Variants in NKX2-1 observed in about 807,000 individuals in gnomAD.
NKX2-1 encodes homeobox protein Nkx-2.1.
NKX2-1 carries 9 observed loss-of-function variants against 35.1 expected under a neutral mutation model. The observed-to-expected ratio is 0.26, with a 90% CI of 0.15 to 0.45. The LOEUF (loss-of-function observed/expected upper bound fraction) is 0.45, where lower values mean the gene tolerates loss of function less well. Among genes scored for constraint, NKX2-1 ranks in the 20% least tolerant of loss-of-function variants. NKX2-1 has a pLI of 1.00. For missense variants in NKX2-1, 509 were observed against 589.1 expected (o/e 0.86, Z 1.41); for synonymous variants, 284 against 269.9 (o/e 1.05, Z -0.51).
Position 36,517,158 on chromosome 14 carries a change from C to T in NKX2-1, c.*120G>A. 1.4e-6 allele frequency: 2 copies of T among 1,477,520 alleles called. No individual in the cohort carries two copies. Among genetic ancestry groups the T allele is most frequent in the South Asian group, 1.3e-5 (1 of 76,108 alleles). 91.5% of individuals were successfully genotyped at this position (1,477,520 alleles called of 1,614,324 possible). Reference sequence around the variant, plus strand: ...TGGTTTTTTTGTTCCTTGGTCTAAACGCGGCCAGGTTGTTAAGAAAAGTCG... The same window carrying T: ...TGGTTTTTTTGTTCCTTGGTCTAAATGCGGCCAGGTTGTTAAGAAAAGTCG... On this transcript the variant is annotated 3_prime_UTR_variant, in exon 3 of 3. Transcript: ENST00000354822.
chr14:36,520,018 G>A (rs755630277), intron 1 of NKX2-1, 35 bp downstream of exon 1: 14 of 1,612,328 alleles, frequency 8.7e-6, no homozygotes, highest in Non-Finnish European at 1.1e-5. Context: ...AGGTCTTTAG[G>A]AGGAGGGGGC....
chr14:36,518,075 C>T (rs940367163), intron 2 of NKX2-1, 55 bp from the exon 3 acceptor site: 6 of 1,583,492 alleles, frequency 3.8e-6, no homozygotes, highest in Middle Eastern at 3.7e-4. Context: ...CAGGCCACCC[C>T]TGTTTTCCGC....
chr14:36,520,191 C>A lies in NKX2-1; in HGVS notation c.-62G>T. The A allele has an allele frequency of 6.3e-7, 1 of 1,594,870 alleles. No homozygotes were observed. The highest frequency in any genetic ancestry group is 8.5e-7 in the Non-Finnish European group (1 of 1,172,740). ...TGAGCGAGCGAGTCTGGGGACGAAC[C>A]CTGGGGCCGCACTGTTGGTCTACGT... is the stretch of plus-strand genomic sequence containing the variant. On this transcript the variant is annotated 5_prime_UTR_variant, in exon 1 of 3. Transcript: ENST00000354822.
In NKX2-1 at chr14:36,516,501, G is replaced by C. The variant is rs1881022361; in HGVS notation, c.*777C>G. On this transcript the variant is annotated 3_prime_UTR_variant, in exon 3 of 3. Coordinates refer to ENST00000354822, the MANE Select transcript of NKX2-1 (RefSeq NM_001079668.3). The stretch of plus-strand genomic sequence containing the variant: ...ACATAAGTTACAACAGAAAAAGACT[G>C]ACGCCGCAAATACCAAACTGCCAAA... 1 of 232,588 alleles carries C rather than the reference G, an allele frequency of 4.3e-6. No individual in the cohort carries two copies. Among genetic ancestry groups the C allele is most frequent in the Non-Finnish European group, 8.5e-6 (1 of 117,640 alleles). The allele number at this position is 232,588 out of a possible 1,614,324, so 14.4% of individuals were successfully genotyped here. A position where few individuals can be genotyped will look rare whatever the true frequency, so the allele number is the denominator to read the frequency against.
intron 1 of NKX2-1, 31 bp from the exon 2 acceptor site, chr14:36,519,401 A>AG (rs1881235581): frequency 6.2e-7 from 1 of 1,611,980 alleles, no homozygotes; most frequent in Non-Finnish European, 8.5e-7. Context: ...AGGAAAAAAA[A>AG]GGGAGAGGGG....
rs1439191961 is a variant in NKX2-1, at chr14:36,519,175, G to C, written c.273C>G (p.His91Gln). The C allele has an allele frequency of 1.2e-6, 2 of 1,604,180 alleles. No individual in the cohort carries two copies. Among genetic ancestry groups the C allele is most frequent in the East Asian group, 2.2e-5 (1 of 44,550 alleles). The change falls in exon 2 of 3, where the codon CAC (histidine) becomes CAG (glutamine). Residue 91 changes from histidine to glutamine, a missense_variant. Around this residue, in one of 5 missense-constraint regions of NKX2-1, gnomAD observed 271 missense variants for 284.1 expected, o/e 0.95. Coordinates refer to ENST00000354822, the MANE Select transcript of NKX2-1 (RefSeq NM_001079668.3). ...TGTGGTAGGCGGCGGTGACGGCGCC[G>C]TGGTGCCCCACGGCGTGCTGCTGCA... Reference protein sequence around the residue: ...AAMQQHAVGHHGAVTAAYHMT... With the variant: ...AAMQQHAVGHQGAVTAAYHMT...
rs750156580 is a variant in NKX2-1 at position 36,520,170 on chromosome 14, C to G, written c.-41G>C. On this transcript the variant is annotated 5_prime_UTR_variant, in exon 1 of 3. Transcript: ENST00000354822. ...TGAGCCCCAGTCGCCAACAAATGAG[C>G]GAGCGAGTCTGGGGACGAACCCTGG... 6.2e-7 allele frequency: 1 copy of G among 1,609,102 alleles called. No homozygotes were observed. The highest frequency in any genetic ancestry group is 8.5e-7 in the Non-Finnish European group (1 of 1,178,630).
intron 2 of NKX2-1, 89 bp from the exon 3 acceptor site, chr14:36,518,109 C>A: frequency 6.5e-7 from 1 of 1,531,700 alleles, no homozygotes; most frequent in Non-Finnish European, 8.8e-7. Flanking sequence ...CCGGCCCGCC[C>A]CAACCGACGG....
Position 36,517,060 on chromosome 14 carries a change from CT to C in NKX2-1, c.*217del. The C allele has an allele frequency of 2.6e-6, 2 of 780,810 alleles. No homozygotes were observed. The highest frequency in any genetic ancestry group is 1.7e-5 in the African/African-American group (1 of 57,640). The allele number at this position is 780,810 out of a possible 1,614,324, so 48.4% of individuals were successfully genotyped here. On this transcript the variant is annotated 3_prime_UTR_variant, in exon 3 of 3. Transcript: ENST00000354822. ...GATGCGCTTGGTTGTTTTTCATTTT[CT>C]TTTTTTAAAAAAAAAAACCCACAAA...
chr14:36,518,804 T>A (rs1881188987), intron 2 of NKX2-1, among the ~76,000 whole-genome samples, 181 bp downstream of exon 2: 1 of 152,252 alleles, frequency 6.6e-6, no homozygotes, highest in East Asian at 1.9e-4. Flanking sequence ...TGCCTGTTCT[T>A]GGACCCCCAG....
In NKX2-1 at chr14:36,519,329, G is replaced by A; in HGVS notation, c.119C>T (p.Pro40Leu). ...IMSMSPKHTT[P>L]FSVSDILSPL... ...ACTCAAGATGTCAGACACTGAGAAC[G>A]GAGTCGTGTGCTTTGGACTCATCGA... The change falls in exon 2 of 3, where the codon CCG (proline) becomes CTG (leucine). Residue 40 changes from proline (P) to leucine (L), a missense_variant. By Grantham distance (98) the Pro-to-Leu change is moderately conservative. Coordinates refer to ENST00000354822, the MANE Select transcript of NKX2-1 (RefSeq NM_001079668.3). 2 of 1,613,094 alleles carry A rather than the reference G, an allele frequency of 1.2e-6. No homozygotes were observed. Among genetic ancestry groups the A allele is most frequent in the Non-Finnish European group, 1.7e-6 (2 of 1,180,036 alleles).
chr14:36,519,244 C>T lies in NKX2-1; in HGVS notation c.204G>A (p.Leu68=). 2 of 1,609,816 alleles carry T rather than the reference C, an allele frequency of 1.2e-6. No individual in the cohort carries two copies. Among genetic ancestry groups the T allele is most frequent in the Non-Finnish European group, 8.5e-7 (1 of 1,178,564 alleles). ...CCGCCTGGCCCTGCCTGTACGCCGCCAGCGGAGCCCCGAGGCCGCCGCCCT... is the reference window on the plus strand; with the variant it reads ...CCGCCTGGCCCTGCCTGTACGCCGCTAGCGGAGCCCCGAGGCCGCCGCCCT... The part of the protein sequence containing the change: ...GMEGGGLGAP[L]AAYRQGQAAP... The change falls in exon 2 of 3, where the codon CTG becomes CTA. Residue 68 remains leucine, a synonymous_variant. Coordinates refer to ENST00000354822, the MANE Select transcript of NKX2-1 (RefSeq NM_001079668.3).
Position 36,517,067 on chromosome 14 carries a change from T to TAA in NKX2-1, c.*209_*210dup, listed in dbSNP as rs886050480. On this transcript the variant is annotated 3_prime_UTR_variant, in exon 3 of 3. Coordinates refer to ENST00000354822, the MANE Select transcript of NKX2-1 (RefSeq NM_001079668.3). The stretch of plus-strand genomic sequence containing the variant: ...TTGGTTGTTTTTCATTTTCTTTTTT[T>TAA]AAAAAAAAAAACCCACAAATTTTAG... The TAA allele has an allele frequency of 1.0e-4, 91 of 874,396 alleles. No individual in the cohort carries two copies. Among genetic ancestry groups the TAA allele is most frequent in the East Asian group, 1.2e-4 (4 of 32,016 alleles). The allele number at this position is 874,396 out of a possible 1,614,324, so 54.2% of individuals were successfully genotyped here.
Position 36,517,366 on chromosome 14 carries a change from T to C in NKX2-1, c.1118A>G (p.Gln373Arg). Residue 373 changes from glutamine (Q) to arginine (R), a missense_variant, in exon 3 of 3, where the codon CAG (glutamine) becomes CGG (arginine). By Grantham distance (43) the Gln-to-Arg change is conservative (BLOSUM62 1). Around this residue, in one of 5 missense-constraint regions of NKX2-1, gnomAD observed 212 missense variants for 227.7 expected, o/e 0.93. Transcript: ENST00000354822. ...HAASPAALQG[Q>R]VSSLSHLNSS... Reference sequence around the variant, plus strand: ...GTTCAGGTGGGACAGGCTGGATACCTGGCCCTGCAGCGCCGCGGGGCTGGC... The same window carrying C: ...GTTCAGGTGGGACAGGCTGGATACCCGGCCCTGCAGCGCCGCGGGGCTGGC... 1 of 1,608,666 alleles carries C rather than the reference T, an allele frequency of 6.2e-7. No individual in the cohort carries two copies. Among genetic ancestry groups the C allele is most frequent in the East Asian group, 2.2e-5 (1 of 44,592 alleles).
At position 36,517,695 on chromosome 14, in the gene NKX2-1, G is replaced by A. The variant is rs761074663; in HGVS notation, c.789C>T (p.Ser263=). The change falls in exon 3 of 3, where the codon AGC becomes AGT. Residue 263 remains serine (S), a synonymous_variant. Transcript: ENST00000354822. ...TGCCCCCGCCGCCCCCGCCGCCGCC[G>A]CTGTCCTGCTGCAGTTGCTGCTGCG... The part of the protein sequence containing the change: ...KAAQQQLQQD[S]GGGGGGGGTG... 2 of 1,581,884 alleles carry A rather than the reference G, an allele frequency of 1.3e-6. No individual in the cohort carries two copies. Among genetic ancestry groups the A allele is most frequent in the Non-Finnish European group, 1.7e-6 (2 of 1,165,120 alleles).
intron 1 of NKX2-1, chr14:36,519,798 T>C: frequency 7.1e-7 from 1 of 1,412,648 alleles, no homozygotes; most frequent in South Asian, 1.5e-5. Context: ...CCCCATTTTT[T>C]GTGGGGTACC....
At position 36,517,091 on chromosome 14, in the gene NKX2-1, A is replaced by AGGGTG. The variant is rs141117763; in HGVS notation, c.*186_*187insCACCC. 1.8e-3 allele frequency: 1,832 copies of AGGGTG among 1,025,388 alleles called. 7 individuals carry two copies. Among genetic ancestry groups the AGGGTG allele is most frequent in the Admixed American group, 3.6e-3 (100 of 27,580 alleles). 63.5% of individuals were successfully genotyped at this position (1,025,388 alleles called of 1,614,324 possible). On this transcript the variant is annotated 3_prime_UTR_variant, in exon 3 of 3. Coordinates refer to ENST00000354822, the MANE Select transcript of NKX2-1 (RefSeq NM_001079668.3). ...TTAAAAAAAAAAACCCACAAATTTT[A>AGGGTG]GGGGGGGAAAAAAAGAAAGACGTCC...
intron 2 of NKX2-1, among the ~76,000 whole-genome samples, chr14:36,518,750 C>G (rs765866800): frequency 6.6e-6 from 1 of 152,172 alleles, no homozygotes; most frequent in Non-Finnish European, 1.5e-5. Context: ...GCCTAGGAGA[C>G]GCCGAGTACC....
At chr14:36,518,914 G>T (rs1881196412) in intron 2 of NKX2-1, 71 bp downstream of exon 2, 3 of 1,390,640 alleles carry the variant, frequency 2.2e-6, no homozygotes, top group Non-Finnish European at 2.8e-6. Flanking sequence ...CCGGCGCCGC[G>T]CCTTCTGGAC....
Sources: allele counts gnomAD v4.1 joint callset (sites outside exome capture counted in the v4.1 genomes callset), GRCh38; gene constraint gnomAD v4.1.1; regional missense constraint gnomAD v4.1.1; transcripts MANE v1.5; gene names NCBI Gene and HGNC (gene_info 2026-07-23, HGNC 2026-07-21).